CEP63: variants seen among roughly 807,000 people sequenced by gnomAD.
CEP63 encodes the protein centrosomal protein 63, also known as centrosomal protein of 63 kDa.
Under a neutral mutation model 89.1 loss-of-function variants are expected in CEP63, and 84 were observed. The ratio of observed to expected loss-of-function variants is 0.94; its 90% confidence interval spans 0.79 to 1.13. The LOEUF (loss-of-function observed/expected upper bound fraction) is 1.13. CEP63 is among the 50% of genes most tolerant of loss of function. The probability of loss-of-function intolerance (pLI) is 0.00; values close to 1 mark genes in which losing one functional copy is unlikely to be tolerated. For missense variants in CEP63, 838 were observed against 813.3 expected, an observed-to-expected ratio of 1.03 and a Z score of -0.37; for synonymous variants, 267 against 272.5, an observed-to-expected ratio of 0.98 and a Z score of 0.20.
rs987470633 is a variant in CEP63 at position 134,563,598 on chromosome 3, T to G, written c.*2063T>G. The G allele has an allele frequency of 6.6e-6, 1 of 152,168 alleles. No individual in the cohort carries two copies. The highest frequency in any genetic ancestry group is 1.9e-4 in the East Asian group (1 of 5,180). The allele number at this position is 152,168 out of a possible 1,614,324, so 9.4% of individuals were successfully genotyped here. On this transcript the variant is annotated 3_prime_UTR_variant, in exon 15 of 15. Coordinates refer to ENST00000675561, the MANE Select transcript of CEP63 (RefSeq NM_001353108.3). ...CCACCAGGCCCAGCTAATTTTTGTA[T>G]TTTTAGTAGGAACAGGGTTTCACCA...
the CEP63 span, among the ~76,000 whole-genome samples, chr3:134,702,543 A>G: frequency 1.3e-5 from 2 of 152,226 alleles, no homozygotes; most frequent in Non-Finnish European, 1.5e-5. Context: ...CTAATGGAAC[A>G]GATTAGAGAA....
chr3:134,604,347 A>G, the CEP63 span: 8 of 1,613,844 alleles, frequency 5.0e-6, no homozygotes, highest in South Asian at 8.8e-5. Flanking sequence ...CCATGGTTGG[A>G]GGGTACACCT....
At chr3:134,586,154 A>T (rs1958480144) in intron 10 of CEP63, among the ~76,000 whole-genome samples, 1 of 133,098 alleles carries the variant, frequency 7.5e-6, no homozygotes, top group Admixed American at 7.2e-5. Flanking sequence ...CTAATTTTCC[A>T]GTCTGTGACT....
intron 6 of CEP63, among the ~76,000 whole-genome samples, chr3:134,545,058 A>G (rs1406957604): frequency 2.6e-5 from 4 of 152,064 alleles, no homozygotes; most frequent in East Asian, 1.9e-4. Context: ...CAGTGGCGCA[A>G]TCTCGGCTCA....
At chr3:134,701,142 A>G in the CEP63 span, among the ~76,000 whole-genome samples, 2 of 151,168 alleles carry the variant, frequency 1.3e-5, no homozygotes, top group African/African-American at 4.9e-5. Context: ...CAGTGCCCCA[A>G]CATATACATA....
chr3:134,503,546 C>T (rs1267264850), intron 2 of CEP63, among the ~76,000 whole-genome samples: 2 of 152,038 alleles, frequency 1.3e-5, no homozygotes, highest in African/African-American at 4.8e-5. Flanking sequence ...GTAGAACAAA[C>T]TGGATGTTTC....
At chr3:134,610,207 T>C in the CEP63 span, 4 of 1,612,374 alleles carry the variant, frequency 2.5e-6, no homozygotes, top group African/African-American at 1.3e-5. Context: ...GAAGGTGAAT[T>C]TGGAGGTGAT....
chr3:134,655,899 G>T, the CEP63 span, among the ~76,000 whole-genome samples: 2 of 152,194 alleles, frequency 1.3e-5, no homozygotes, highest in Non-Finnish European at 2.9e-5. Flanking sequence ...GAGAGAACTG[G>T]TGGCAGTGGC....
the CEP63 span, among the ~76,000 whole-genome samples, chr3:134,715,427 A>C: frequency 6.6e-6 from 1 of 152,046 alleles, no homozygotes; most frequent in Non-Finnish European, 1.5e-5. Flanking sequence ...GGTAGCCTGC[A>C]TTATGCATGA....
At chr3:134,683,568 A>T in the CEP63 span, among the ~76,000 whole-genome samples, 1 of 152,208 alleles carries the variant, frequency 6.6e-6, no homozygotes, top group Admixed American at 6.5e-5. Flanking sequence ...AGTGATAGAA[A>T]AACCATCTAC....
At chr3:134,656,839 GCT>G in the CEP63 span, among the ~76,000 whole-genome samples, 1 of 152,162 alleles carries the variant, frequency 6.6e-6, no homozygotes. Flanking sequence ...GAGACAAGAT[GCT>G]CTGTCAAATT....
intron 10 of CEP63, among the ~76,000 whole-genome samples, chr3:134,582,637 A>G (rs1213901165): frequency 1.3e-5 from 2 of 152,152 alleles, no homozygotes; most frequent in Non-Finnish European, 2.9e-5. Context: ...CACAATAAAC[A>G]TATGTGTGCA....
the CEP63 span, among the ~76,000 whole-genome samples, chr3:134,748,529 G>T: frequency 1.3e-5 from 2 of 151,914 alleles, no homozygotes; most frequent in African/African-American, 2.4e-5. Flanking sequence ...ACTGAATGCC[G>T]CCCAGAAGAC....
At chr3:134,651,137 T>G in the CEP63 span, 1 of 1,475,832 alleles carries the variant, frequency 6.8e-7, no homozygotes, top group South Asian at 1.3e-5. Flanking sequence ...AAACACGCCA[T>G]TAGGGCCCGC....
chr3:134,565,878 A>G (rs1455967914), downstream of CEP63, among the ~76,000 whole-genome samples: 2 of 152,160 alleles, frequency 1.3e-5, no homozygotes, highest in South Asian at 2.1e-4. Context: ...GAGAAGTCCA[A>G]CATTTTCATA....
chr3:134,750,250 C>A, the CEP63 span, among the ~76,000 whole-genome samples: 1 of 152,164 alleles, frequency 6.6e-6, no homozygotes, highest in Non-Finnish European at 1.5e-5. Context: ...TGGGAAGGGC[C>A]CCTGGCTGCA....
the CEP63 span, among the ~76,000 whole-genome samples, chr3:134,622,743 A>G: frequency 1.1e-3 from 166 of 152,350 alleles, no homozygotes; most frequent in African/African-American, 3.9e-3. Flanking sequence ...TCAGGGAAAC[A>G]GGGCTGAGGT....
chr3:134,725,204 G>A, the CEP63 span, among the ~76,000 whole-genome samples: 1 of 152,074 alleles, frequency 6.6e-6, no homozygotes, highest in Admixed American at 6.5e-5. Context: ...ATTTATAATT[G>A]TCATTGATAT....
At position 134,487,574 on chromosome 3, in the gene CEP63, A is replaced by G. The variant is rs78952413; in HGVS notation, c.-26+1372A>G. Among the ~76,000 whole-genome samples, 958 of 152,332 alleles carry G rather than the reference A, an allele frequency of 6.3e-3. 22 individuals are homozygous for G. The South Asian group carries it at 0.074, about 12-fold the overall frequency. ...TGTCATTGCTTCCTGCTTTCAAAAA[A>G]TGTCAACTTGACTTGAAATTCAGCT... On this transcript the variant is annotated intron_variant, in intron 1 of 14. Transcript: ENST00000675561.
Sources: gnomAD v4.1 joint callset for allele counts (sites outside exome capture counted in the v4.1 genomes callset) on GRCh38, gnomAD v4.1.1 for gene constraint, MANE v1.5 for transcripts, NCBI Gene and HGNC (gene_info 2026-07-23, HGNC 2026-07-21) for gene names.